Variants in MALRD1 observed in about 807,000 individuals in gnomAD.
MALRD1 encodes the protein MAM and LDL-receptor class A domain-containing protein 1.
A neutral mutation model predicts 242.1 loss-of-function variants in MALRD1; 247 were observed. The observed-to-expected ratio is 1.02, with a 90% CI of 0.92 to 1.13. MALRD1 has a LOEUF of 1.13. Ranked by LOEUF, MALRD1 falls within the 50% of genes most tolerant of loss-of-function variation. MALRD1 has a pLI of 0.00. For synonymous variants in MALRD1, 995 were observed against 866.6 expected, an observed-to-expected ratio of 1.15 and a Z score of -2.60; for missense variants, 2,989 against 2,533.1, an observed-to-expected ratio of 1.18 and a Z score of -3.86.
intron 28 of MALRD1, among the ~76,000 whole-genome samples, chr10:19,408,597 A>G (rs1172090095): frequency 2.6e-5 from 4 of 152,210 alleles, no homozygotes; most frequent in Non-Finnish European, 4.4e-5. Flanking sequence ...ATCCAATTAG[A>G]AAATGGGCAA....
At chr10:19,383,157 TC>T (rs1393106577) in intron 26 of MALRD1, among the ~76,000 whole-genome samples, 1 of 152,120 alleles carries the variant, frequency 6.6e-6, no homozygotes, top group Non-Finnish European at 1.5e-5. Context: ...ACCCAGGTAA[TC>T]AACATAGTAC....
chr10:19,539,945 G>C (rs1834890132), intron 32 of MALRD1, among the ~76,000 whole-genome samples: 1 of 149,556 alleles, frequency 6.7e-6, no homozygotes, highest in African/African-American at 2.5e-5. Flanking sequence ...GTTTTGCCAT[G>C]TTGCCCAGGC....
At chr10:19,232,778 C>T (rs10763889) in intron 18 of MALRD1, among the ~76,000 whole-genome samples, 31,529 of 151,988 alleles carry the variant, frequency 0.21, 3,419 homozygotes, top group Admixed American at 0.33. Flanking sequence ...TCGGTGAATA[C>T]AGTGGTGACA....
Position 19,346,229 on chromosome 10 carries a change from G to T in MALRD1, c.3902-1542G>T, listed in dbSNP as rs1298098779. ...CAAACAAAAACCTCACTGATTTGAT[G>T]CCAAGTGCAATAGAACTTGGACATT... is the stretch of plus-strand genomic sequence containing the variant. On this transcript the variant is annotated intron_variant, in intron 24 of 39. Coordinates refer to ENST00000454679, the MANE Select transcript of MALRD1 (RefSeq NM_001142308.3). Among the ~76,000 whole-genome samples the T allele has an allele frequency of 2.6e-5, 4 of 152,118 alleles. No homozygotes were observed. The East Asian group carries it at 7.7e-4, about 29-fold the overall frequency.
chr10:19,376,962 T>C (rs79722189), intron 26 of MALRD1, among the ~76,000 whole-genome samples: 1 of 152,210 alleles, frequency 6.6e-6, no homozygotes, highest in Non-Finnish European at 1.5e-5. Flanking sequence ...CAAGGAGGAC[T>C]CTTTTATTTT....
chr10:19,125,947 A>G (rs1215348746), intron 7 of MALRD1, among the ~76,000 whole-genome samples: 1 of 152,038 alleles, frequency 6.6e-6, no homozygotes, highest in Non-Finnish European at 1.5e-5. Flanking sequence ...TCTTTTATTT[A>G]GAAAAGATCT....
At chr10:19,127,121 T>C (rs777930734) in intron 7 of MALRD1, among the ~76,000 whole-genome samples, 38 of 152,214 alleles carry the variant, frequency 2.5e-4, no homozygotes, top group Non-Finnish European at 4.7e-4. Flanking sequence ...TATTCCATGG[T>C]GTATATGTAC....
intron 33 of MALRD1, among the ~76,000 whole-genome samples, chr10:19,571,457 A>C (rs1012693845): frequency 6.6e-6 from 1 of 152,206 alleles, no homozygotes; most frequent in African/African-American, 2.4e-5. Context: ...TTAGCAAGGA[A>C]AACTTCATTT....
At chr10:19,576,677 A>T (rs959019630) in intron 33 of MALRD1, among the ~76,000 whole-genome samples, 1 of 152,116 alleles carries the variant, frequency 6.6e-6, no homozygotes, top group Non-Finnish European at 1.5e-5. Flanking sequence ...TCAAGTCATT[A>T]CCCTTATCCC....
At chr10:19,071,418 G>C (rs1002310872) in intron 2 of MALRD1, among the ~76,000 whole-genome samples, 10 of 151,724 alleles carry the variant, frequency 6.6e-5, no homozygotes, top group African/African-American at 2.2e-4. Context: ...CCTTCTCTCA[G>C]AGTTTTTGCC....
At chr10:19,120,121 T>C (rs1210417043) in intron 5 of MALRD1, among the ~76,000 whole-genome samples, 1 of 152,086 alleles carries the variant, frequency 6.6e-6, no homozygotes, top group African/African-American at 2.4e-5. Context: ...CTAGCTGATA[T>C]TAACAAGGTT....
intron 26 of MALRD1, among the ~76,000 whole-genome samples, chr10:19,360,982 A>C (rs1844869200): frequency 6.6e-6 from 1 of 151,986 alleles, no homozygotes; most frequent in African/African-American, 2.4e-5. Flanking sequence ...AACTACATAA[A>C]AGTAAGCACC....
intron 29 of MALRD1, among the ~76,000 whole-genome samples, chr10:19,467,912 G>A (rs938217399): frequency 5.3e-5 from 8 of 151,850 alleles, no homozygotes; most frequent in African/African-American, 1.5e-4. Flanking sequence ...TCCTGCTTCA[G>A]CCTCCCGAGC....
At chr10:19,133,243 A>C (rs1233801776) in intron 8 of MALRD1, among the ~76,000 whole-genome samples, 1 of 152,164 alleles carries the variant, frequency 6.6e-6, no homozygotes, top group Non-Finnish European at 1.5e-5. Context: ...AGATTTTGCA[A>C]TCTGAAAAAT....
chr10:19,173,886 T>C (rs1334354283), intron 13 of MALRD1, among the ~76,000 whole-genome samples: 1 of 152,166 alleles, frequency 6.6e-6, no homozygotes, highest in Non-Finnish European at 1.5e-5. Flanking sequence ...TCATACGAAG[T>C]GTAGGAGAGG....
At chr10:19,695,712 C>T (rs1320209913) in intron 38 of MALRD1, among the ~76,000 whole-genome samples, 1 of 151,802 alleles carries the variant, frequency 6.6e-6, no homozygotes, top group Non-Finnish European at 1.5e-5. Context: ...TTTTAGTAGA[C>T]ACAGGGTTTC....
At chr10:19,136,850 CTT>C in intron 10 of MALRD1, 69 bp downstream of exon 10, 1 of 1,081,672 alleles carries the variant, frequency 9.2e-7, no homozygotes, top group Non-Finnish European at 1.2e-6. Context: ...TTAAAACAGT[CTT>C]TGTTTCTATC....
At chr10:19,616,432 A>T (rs1438503716) in intron 36 of MALRD1, among the ~76,000 whole-genome samples, 1 of 152,064 alleles carries the variant, frequency 6.6e-6, no homozygotes, top group Non-Finnish European at 1.5e-5. Flanking sequence ...AGTAAACAAA[A>T]ATAGGCGTTG....
At chr10:19,642,507 A>T (rs1840436109) in intron 36 of MALRD1, among the ~76,000 whole-genome samples, 1 of 152,168 alleles carries the variant, frequency 6.6e-6, no homozygotes. Flanking sequence ...GGAAAAGCAA[A>T]ATAATACAAA....
Sources: gnomAD v4.1 joint callset for allele counts (sites outside exome capture counted in the v4.1 genomes callset) on GRCh38, gnomAD v4.1.1 for gene constraint, MANE v1.5 for transcripts, NCBI Gene and HGNC (gene_info 2026-07-23, HGNC 2026-07-21) for gene names.